Variants in GPHN observed in about 807,000 individuals in gnomAD.
GPHN encodes the protein gephyrin.
In GPHN, 17 loss-of-function variants were observed where a neutral mutation model predicts 95.5. The ratio of observed to expected loss-of-function variants is 0.18; its 90% CI spans 0.12 to 0.27. The LOEUF (loss-of-function observed/expected upper bound fraction) is 0.27, where lower values mean the gene tolerates loss of function less well. Ranked by LOEUF, GPHN falls within the 10% of genes least tolerant of loss-of-function variation. The probability of loss-of-function intolerance (pLI) is 1.00; values close to 1 mark genes in which losing one functional copy is unlikely to be tolerated. For synonymous variants in GPHN, 320 were observed against 322.5 expected (o/e 0.99, Z 0.08); for missense variants, 660 against 978.1 (o/e 0.67, Z 4.34).
the GPHN span, among the ~76,000 whole-genome samples, chr14:67,229,892 C>T: frequency 1.3e-5 from 2 of 152,138 alleles, no homozygotes; most frequent in Non-Finnish European, 2.9e-5. Flanking sequence ...TCTCTTGGCC[C>T]ACAGCCTAGG....
At chr14:66,865,319 T>C (rs2153523612) in intron 4 of GPHN, among the ~76,000 whole-genome samples, 1 of 152,276 alleles carries the variant, frequency 6.6e-6, no homozygotes, top group East Asian at 1.9e-4. Context: ...GTGATTATTA[T>C]GCATTGCATG....
intron 11 of GPHN, among the ~76,000 whole-genome samples, chr14:67,083,668 G>C (rs185812912): frequency 1.8e-3 from 274 of 152,286 alleles, no homozygotes; most frequent in African/African-American, 6.3e-3. Flanking sequence ...TGATCAAGGA[G>C]AACTTACTAT....
chr14:67,075,294 T>C (rs1311163874), intron 11 of GPHN, among the ~76,000 whole-genome samples: 1 of 152,206 alleles, frequency 6.6e-6, no homozygotes, highest in African/African-American at 2.4e-5. Context: ...TTACTGATTA[T>C]GTTAAGTCTT....
chr14:67,324,545 A>C, the GPHN span, among the ~76,000 whole-genome samples: 1 of 150,328 alleles, frequency 6.7e-6, no homozygotes, highest in African/African-American at 2.5e-5. Context: ...GCATATTTAC[A>C]CTCCTTTCTT....
chr14:67,681,510 T>G, the GPHN span, among the ~76,000 whole-genome samples: 1 of 152,086 alleles, frequency 6.6e-6, no homozygotes, highest in African/African-American at 2.4e-5. Context: ...AGGCCGGGTG[T>G]GGTGGCTCAT....
At chr14:66,755,689 T>C (rs1013824347) in intron 2 of GPHN, among the ~76,000 whole-genome samples, 3 of 152,148 alleles carry the variant, frequency 2.0e-5, no homozygotes, top group Non-Finnish European at 2.9e-5. Context: ...CTGTGACCCA[T>C]GAACATCATC....
chr14:66,711,364 G>A (rs1458209841), intron 2 of GPHN, among the ~76,000 whole-genome samples: 6 of 152,054 alleles, frequency 3.9e-5, no homozygotes, highest in East Asian at 1.9e-4. Flanking sequence ...TATGAATGCC[G>A]TTAATTCATA....
At position 67,129,203 on chromosome 14, in the gene GPHN, C is replaced by G. The variant is rs115770211; in HGVS notation, c.1748+6826C>G. On this transcript the variant is annotated intron_variant, in intron 17 of 22. Transcript: ENST00000478722. The stretch of plus-strand genomic sequence containing the variant: ...TATTTCTTTTGTAATAAAAGAACCT[C>G]CTAAAAATTCCCCTTATGCATTATT... 6.4e-3 allele frequency among the ~76,000 whole-genome samples: 971 copies of G among 152,036 alleles called. 11 individuals are homozygous for G. The highest frequency in any genetic ancestry group is 0.022 in the African/African-American group (918 of 41,464).
chr14:66,903,384 A>G (rs1053066162), intron 5 of GPHN, among the ~76,000 whole-genome samples: 1 of 152,044 alleles, frequency 6.6e-6, no homozygotes, highest in African/African-American at 2.4e-5. Context: ...GTTTACAGTT[A>G]TGGCTACAGT....
chr14:66,617,065 T>C (rs2063075562), intron 1 of GPHN, among the ~76,000 whole-genome samples: 1 of 152,136 alleles, frequency 6.6e-6, no homozygotes, highest in Admixed American at 6.5e-5. Context: ...GGGGTTATGC[T>C]TTACTTGGGG....
At chr14:67,491,465 C>T in the GPHN span, among the ~76,000 whole-genome samples, 1 of 152,316 alleles carries the variant, frequency 6.6e-6, no homozygotes, top group South Asian at 2.1e-4. Flanking sequence ...ACCACTTCCC[C>T]AGTAACTTCA....
chr14:66,546,372 G>A (rs559599063), intron 1 of GPHN, among the ~76,000 whole-genome samples: 2 of 152,152 alleles, frequency 1.3e-5, no homozygotes, highest in African/African-American at 2.4e-5. Flanking sequence ...ACGGGGTGGC[G>A]GCCGGGCAGA....
chr14:66,961,900 G>GTGTATATATATA lies in GPHN; in HGVS notation c.829-3290_829-3289insGTATATATATAT, dbSNP rs1177915817. Among the ~76,000 whole-genome samples, 34 of 53,006 alleles carry GTGTATATATATA rather than the reference G, an allele frequency of 6.4e-4. 1 individual carries two copies. Among genetic ancestry groups the GTGTATATATATA allele is most frequent in the East Asian group, 1.3e-3 (3 of 2,262 alleles). 34.8% of individuals were successfully genotyped at this position (53,006 alleles called of 152,430 possible). ...AACCAACCATTCTATCCCTGAATGT[G>GTGTATATATATA]TATATATATATATATATATATATAT... On this transcript the variant is annotated intron_variant, in intron 8 of 22. Transcript: ENST00000478722.
intron 11 of GPHN, among the ~76,000 whole-genome samples, chr14:67,081,184 A>G (rs1001707548): frequency 6.6e-6 from 1 of 152,200 alleles, no homozygotes; most frequent in Non-Finnish European, 1.5e-5. Context: ...AGGAATCTCC[A>G]CACTGTTTGC....
chr14:67,140,377 TC>T (rs2080378440), intron 17 of GPHN, among the ~76,000 whole-genome samples: 1 of 124,176 alleles, frequency 8.1e-6, no homozygotes, highest in Admixed American at 8.2e-5. Context: ...AGAGCAAGAC[TC>T]CATCTAAAAA....
At chr14:67,073,158 T>A (rs1445150131) in intron 11 of GPHN, among the ~76,000 whole-genome samples, 1 of 152,104 alleles carries the variant, frequency 6.6e-6, no homozygotes, top group Non-Finnish European at 1.5e-5. Flanking sequence ...AATACTAAGA[T>A]CCAGGGTTCA....
intron 2 of GPHN, among the ~76,000 whole-genome samples, chr14:66,702,763 A>G (rs1451302685): frequency 6.6e-6 from 1 of 152,082 alleles, no homozygotes; most frequent in Non-Finnish European, 1.5e-5. Context: ...AATGATTATA[A>G]CAACAGCAAG....
the GPHN span, among the ~76,000 whole-genome samples, chr14:67,286,264 GTTC>G: frequency 6.6e-6 from 1 of 152,102 alleles, no homozygotes; most frequent in African/African-American, 2.4e-5. Context: ...TAGCCTTGTG[GTTC>G]TTCATTTCTC....
chr14:66,941,552 A>G (rs2067427961), intron 8 of GPHN, among the ~76,000 whole-genome samples: 1 of 152,170 alleles, frequency 6.6e-6, no homozygotes, highest in African/African-American at 2.4e-5. Flanking sequence ...TACTGACCAC[A>G]GATCAGGAAC....
Sources: allele counts gnomAD v4.1 joint callset (sites outside exome capture counted in the v4.1 genomes callset), GRCh38; gene constraint gnomAD v4.1.1; transcripts MANE v1.5; gene names NCBI Gene and HGNC (gene_info 2026-07-23, HGNC 2026-07-21).